Variants in EYA2 observed in about 807,000 individuals in gnomAD.
The protein encoded by EYA2 is protein phosphatase EYA2.
Under a neutral mutation model 69.2 loss-of-function variants are expected in EYA2, and 31 were observed. That is an observed-to-expected ratio of 0.45 (90% CI 0.34 to 0.60). EYA2 has a LOEUF of 0.60. EYA2 is among the 20% of genes least tolerant of loss of function. The pLI, the probability that EYA2 is intolerant of heterozygous loss-of-function variation, is 0.02. For missense variants in EYA2, 622 were observed against 701.2 expected (o/e 0.89, Z 1.28); for synonymous variants, 257 against 279.4 (o/e 0.92, Z 0.80).
intron 1 of EYA2, among the ~76,000 whole-genome samples, chr20:46,964,396 CTG>C (rs1600587273): frequency 6.6e-6 from 1 of 152,262 alleles, no homozygotes; most frequent in East Asian, 1.9e-4. Flanking sequence ...GAGGCAGTCA[CTG>C]GGGTGTGACA....
intron 5 of EYA2, among the ~76,000 whole-genome samples, chr20:47,017,749 C>T (rs555797400): frequency 6.6e-6 from 1 of 152,154 alleles, no homozygotes; most frequent in Non-Finnish European, 1.5e-5. Flanking sequence ...ACCTTCATGA[C>T]GCTCTCAAGC....
intron 4 of EYA2, 120 bp from the exon 5 acceptor site, chr20:47,016,061 C>T (rs1057492340): frequency 1.3e-6 from 1 of 756,530 alleles, no homozygotes; most frequent in Non-Finnish European, 2.3e-6. Context: ...GTTTGCAACT[C>T]CTCATTTGGA....
intron 1 of EYA2, among the ~76,000 whole-genome samples, chr20:46,987,527 T>C (rs1981310884): frequency 6.6e-6 from 1 of 152,110 alleles, no homozygotes; most frequent in South Asian, 2.1e-4. Flanking sequence ...TTGAAAACAG[T>C]GTTGATCATT....
intron 5 of EYA2, among the ~76,000 whole-genome samples, chr20:47,044,574 T>A (rs1206807): frequency 2.6e-5 from 4 of 152,064 alleles, no homozygotes; most frequent in South Asian, 2.1e-4. Flanking sequence ...AGGCTGGGTC[T>A]CACTAAGAAG....
intron 5 of EYA2, among the ~76,000 whole-genome samples, chr20:47,060,760 C>CT (rs2030842687): frequency 2.6e-5 from 4 of 152,170 alleles, no homozygotes; most frequent in African/African-American, 9.7e-5. Context: ...CTTGCTACAC[C>CT]TGTAAGGTTT....
intron 10 of EYA2, among the ~76,000 whole-genome samples, chr20:47,167,378 G>T (rs1268328092): frequency 2.1e-5 from 3 of 144,194 alleles, no homozygotes; most frequent in Admixed American, 1.4e-4. Flanking sequence ...TGCCTCCCAG[G>T]TTCAAGCTAT....
chr20:47,081,559 A>T (rs2031719294), intron 7 of EYA2, among the ~76,000 whole-genome samples: 1 of 152,004 alleles, frequency 6.6e-6, no homozygotes, highest in African/African-American at 2.4e-5. Context: ...CACGTGGAGC[A>T]CCTGAGGTCA....
intron 5 of EYA2, among the ~76,000 whole-genome samples, chr20:47,064,490 G>T (rs1395793388): frequency 4.6e-5 from 7 of 152,022 alleles, no homozygotes; most frequent in Non-Finnish European, 1.0e-4. Flanking sequence ...AATTATTTTG[G>T]GTATAAACCC....
At chr20:46,921,106 C>G (rs1985158249) in intron 1 of EYA2, among the ~76,000 whole-genome samples, 1 of 152,230 alleles carries the variant, frequency 6.6e-6, no homozygotes, top group Admixed American at 6.5e-5. Flanking sequence ...TGCCAGAACT[C>G]TAGCTGTGCC....
intron 5 of EYA2, among the ~76,000 whole-genome samples, chr20:47,039,127 A>T (rs748043706): frequency 2.6e-5 from 4 of 151,836 alleles, no homozygotes; most frequent in Non-Finnish European, 4.4e-5. Context: ...ACACACACAC[A>T]CACACGCGCG....
chr20:46,947,004 C>T (rs905008529), intron 1 of EYA2, among the ~76,000 whole-genome samples: 9 of 152,170 alleles, frequency 5.9e-5, no homozygotes, highest in Non-Finnish European at 1.2e-4. Context: ...CCCATTCATT[C>T]TGTGTTATCT....
At chr20:47,088,123 T>C (rs2031954344) in intron 7 of EYA2, among the ~76,000 whole-genome samples, 1 of 152,116 alleles carries the variant, frequency 6.6e-6, no homozygotes, top group South Asian at 2.1e-4. Context: ...TAATCCCAGC[T>C]ACTTGGGAGG....
chr20:47,173,807 G>A (rs1047839725), intron 12 of EYA2, among the ~76,000 whole-genome samples: 1 of 152,166 alleles, frequency 6.6e-6, no homozygotes, highest in African/African-American at 2.4e-5. Context: ...GTTCTCACAC[G>A]TGGCTCTCAT....
intron 9 of EYA2, among the ~76,000 whole-genome samples, chr20:47,104,421 A>T (rs2146530166): frequency 1.3e-5 from 2 of 152,262 alleles, no homozygotes; most frequent in South Asian, 4.1e-4. Context: ...TGAAATACCA[A>T]GCTTTTTATT....
intron 5 of EYA2, among the ~76,000 whole-genome samples, chr20:47,021,362 C>T (rs1469135510): frequency 6.6e-6 from 1 of 152,156 alleles, no homozygotes; most frequent in African/African-American, 2.4e-5. Flanking sequence ...TGCAGTGGCT[C>T]ATACCTATAA....
chr20:46,901,478 T>C (rs1294062892), intron 1 of EYA2: 1 of 152,210 alleles, frequency 6.6e-6, no homozygotes, highest in Non-Finnish European at 1.5e-5. Flanking sequence ...TCAGAGAGCG[T>C]GTCCACCACG....
chr20:47,116,129 T>A (rs2032883353), intron 9 of EYA2, among the ~76,000 whole-genome samples: 3 of 152,070 alleles, frequency 2.0e-5, no homozygotes, highest in Admixed American at 1.3e-4. Flanking sequence ...TATTTATTTC[T>A]GGGTGTGATT....
chr20:47,135,854 C>CAAAAAAA (rs1281930987), intron 9 of EYA2, among the ~76,000 whole-genome samples: 1 of 64,876 alleles, frequency 1.5e-5, no homozygotes. Context: ...AACAAACAAA[C>CAAAAAAA]AAAAAACTAA....
At chr20:46,914,865 G>C (rs1043131468) in intron 1 of EYA2, among the ~76,000 whole-genome samples, 6 of 152,234 alleles carry the variant, frequency 3.9e-5, no homozygotes, top group African/African-American at 1.4e-4. Context: ...AGGGAATCAT[G>C]ACCATGATTG....
Sources: allele counts gnomAD v4.1 joint callset (sites outside exome capture counted in the v4.1 genomes callset), GRCh38; gene constraint gnomAD v4.1.1; transcripts MANE v1.5; gene names NCBI Gene and HGNC (gene_info 2026-07-23, HGNC 2026-07-21).